Variants in CACNA2D4 observed in about 807,000 individuals in gnomAD.
CACNA2D4 encodes the protein voltage-dependent calcium channel subunit alpha-2/delta-4.
CACNA2D4 carries 157 observed loss-of-function variants against 163.8 expected under a neutral mutation model. The observed-to-expected ratio is 0.96, with a 90% CI of 0.84 to 1.09. CACNA2D4 has a LOEUF of 1.09. Among genes scored for constraint, CACNA2D4 ranks in the 50% least tolerant of loss-of-function variants. The pLI, the probability that CACNA2D4 is intolerant of heterozygous loss-of-function variation, is 0.00. For synonymous variants in CACNA2D4, 598 were observed against 586.9 expected, an observed-to-expected ratio of 1.02 and a Z score of -0.27; for missense variants, 1,410 against 1,479.9, an observed-to-expected ratio of 0.95 and a Z score of 0.78.
At chr12:1,897,437 T>C (rs140107632) in intron 6 of CACNA2D4, among the ~76,000 whole-genome samples, 1 of 152,320 alleles carries the variant, frequency 6.6e-6, no homozygotes, top group African/African-American at 2.4e-5. Context: ...CATCCCCAAA[T>C]ACTCTGACTT....
At position 1,834,557 on chromosome 12, in the gene CACNA2D4, G is replaced by A. The variant is rs750244847; in HGVS notation, c.2551+6182C>T. 18 of 1,602,672 alleles carry A rather than the reference G, an allele frequency of 1.1e-5. No homozygotes were observed. The highest frequency in any genetic ancestry group is 2.2e-5 in the East Asian group (1 of 44,884). ...GGGCACGGTGATCATTGCAGGGGTC[G>A]TGTGCGGCGTCGTCTGCATCATGAT... is the stretch of plus-strand genomic sequence containing the variant. On this transcript the variant is annotated intron_variant, in intron 26 of 37. Coordinates refer to ENST00000382722, the MANE Select transcript of CACNA2D4 (RefSeq NM_172364.5). The surrounding 1 kb of genome is among the most constrained non-coding windows in gnomAD (Gnocchi z 7.6).
chr12:1,800,716 G>T, intron 31 of CACNA2D4: 1 of 592,968 alleles, frequency 1.7e-6, no homozygotes, highest in Non-Finnish European at 3.0e-6. Context: ...CCCTCATCCT[G>T]GTGCTGCACT....
rs768339003 is a variant in CACNA2D4 at position 1,828,373 on chromosome 12, G to C, written c.2551+12366C>G. Among the ~76,000 whole-genome samples, 32 of 152,214 alleles carry C rather than the reference G, an allele frequency of 2.1e-4. No individual in the cohort carries two copies. The highest frequency in any genetic ancestry group is 4.0e-4 in the Non-Finnish European group (27 of 68,020). On this transcript the variant is annotated intron_variant, in intron 26 of 37. Transcript: ENST00000382722. The surrounding 1 kb of genome is among the most constrained non-coding windows in gnomAD (Gnocchi z 4.2). ...CCGAGGCTATGTTCTGGGAAGCCAG[G>C]GTCACGCCCACGGTGACAGCATCCC...
chr12:1,884,133 TC>T (rs1212740551), intron 12 of CACNA2D4, 109 bp downstream of exon 12: 46 of 860,100 alleles, frequency 5.3e-5, no homozygotes, highest in Non-Finnish European at 7.9e-5. Context: ...ATAGCACTGC[TC>T]CTCTTAGGGG....
At chr12:1,907,835 CGTGCCTGGTGAGT>C (rs752542652) in intron 5 of CACNA2D4, 27 bp downstream of exon 5, 95 of 1,608,810 alleles carry the variant, frequency 5.9e-5, no homozygotes, top group African/African-American at 3.2e-4. Context: ...GCTAGGTGGG[CGTGCCTGGTGAGT>C]GTGCCTGAGC....
chr12:1,811,629 C>T, intron 27 of CACNA2D4, 33 bp downstream of exon 27: 1 of 1,553,768 alleles, frequency 6.4e-7, no homozygotes, highest in Middle Eastern at 1.7e-4. Flanking sequence ...GTGGTGAGTC[C>T]CCAGCCCCGA....
chr12:1,797,727 A>G, intron 34 of CACNA2D4, 192 bp from the exon 35 acceptor site: 1 of 612,186 alleles, frequency 1.6e-6, no homozygotes, highest in South Asian at 1.8e-5. Context: ...GTCTCTGGAG[A>G]GGGTGGCTTG....
intron 1 of CACNA2D4, chr12:1,915,199 C>G: frequency 2.8e-6 from 2 of 702,690 alleles, no homozygotes; most frequent in Non-Finnish European, 5.2e-6. Flanking sequence ...GCACCTGTCC[C>G]TCCTCCTTGT....
intron 26 of CACNA2D4, among the ~76,000 whole-genome samples, chr12:1,840,433 A>C (rs983775438): frequency 3.8e-4 from 3 of 7,956 alleles, no homozygotes; most frequent in Non-Finnish European, 6.4e-4. Flanking sequence ...TAAATATATT[A>C]TGTGGAAGAG....
In CACNA2D4 at chr12:1,819,380, C is replaced by T. The variant is rs1021324602; in HGVS notation, c.2552-7657G>A. Among the ~76,000 whole-genome samples, 55 of 152,124 alleles carry T rather than the reference C, an allele frequency of 3.6e-4. 1 individual carries two copies. The highest frequency in any genetic ancestry group is 3.4e-3 in the Admixed American group (52 of 15,278). On this transcript the variant is annotated intron_variant, in intron 26 of 37. Coordinates refer to ENST00000382722, the MANE Select transcript of CACNA2D4 (RefSeq NM_172364.5). ...TGTGCTGCCCGGGGACCCGGCAGAA[C>T]GGACAGAAGGGAGTGAGCAGGAGCA...
At chr12:1,821,070 G>A (rs1864079868) in intron 26 of CACNA2D4, among the ~76,000 whole-genome samples, 1 of 152,236 alleles carries the variant, frequency 6.6e-6, no homozygotes, top group African/African-American at 2.4e-5. Flanking sequence ...AAGTGGGGAG[G>A]AGGGCAGCGC....
intron 26 of CACNA2D4, among the ~76,000 whole-genome samples, chr12:1,826,106 G>T (rs1182360589): frequency 1.3e-5 from 2 of 152,118 alleles, no homozygotes; most frequent in African/African-American, 4.8e-5. Context: ...GTGGGATCGG[G>T]AAAGAAAGCC....
rs1352338182 is a variant in CACNA2D4 at position 1,806,483 on chromosome 12, G to A, written c.2721+3795C>T. 2.6e-5 allele frequency among the ~76,000 whole-genome samples: 4 copies of A among 152,238 alleles called. No homozygotes were observed. The highest frequency in any genetic ancestry group is 4.4e-5 in the Non-Finnish European group (3 of 68,034). ...TTCCCCACTCACTGACTACGGGGAGGAGGGTGTGCAAGGACTTTGTCTGGG... is the reference window on the plus strand; with the variant it reads ...TTCCCCACTCACTGACTACGGGGAGAAGGGTGTGCAAGGACTTTGTCTGGG... On this transcript the variant is annotated intron_variant, in intron 29 of 37. Coordinates refer to ENST00000382722, the MANE Select transcript of CACNA2D4 (RefSeq NM_172364.5). This position sits in a 1 kb window ranked among gnomAD's most constrained non-coding sequence, Gnocchi z 4.1.
intron 4 of CACNA2D4, 87 bp from the exon 5 acceptor site, chr12:1,908,124 A>G: frequency 7.2e-7 from 1 of 1,387,662 alleles, no homozygotes; most frequent in South Asian, 1.3e-5. Flanking sequence ...AGGTGAGAGG[A>G]CGAGAGGGCC....
Position 1,903,443 on chromosome 12 carries a change from A to G in CACNA2D4, c.781+3997T>C, listed in dbSNP as rs1444824081. 2.0e-5 allele frequency among the ~76,000 whole-genome samples: 3 copies of G among 152,142 alleles called. 1 individual carries two copies. Among genetic ancestry groups the G allele is most frequent in the African/African-American group, 7.2e-5 (3 of 41,448 alleles). ...GTAAATAGACAATGCACAGAATGGGAGAAAATATTTGCAAACTCCTATCCA... is the reference window on the plus strand; with the variant it reads ...GTAAATAGACAATGCACAGAATGGGGGAAAATATTTGCAAACTCCTATCCA... On this transcript the variant is annotated intron_variant, in intron 6 of 37. Transcript: ENST00000382722.
rs1865872347 is a variant in CACNA2D4, at chr12:1,875,959, G to C, written c.1720-622C>G. Reference sequence around the variant, plus strand: ...AAGGCGTCAGGGGGCCCTGACTGCTGCCTGCGGTTCTGCTGTTTTCCTGGC... The same window carrying C: ...AAGGCGTCAGGGGGCCCTGACTGCTCCCTGCGGTTCTGCTGTTTTCCTGGC... On this transcript the variant is annotated intron_variant, in intron 16 of 37. Transcript: ENST00000382722. The surrounding 1 kb of genome is among the most constrained non-coding windows in gnomAD (Gnocchi z 4.0). Among the ~76,000 whole-genome samples the C allele has an allele frequency of 6.6e-6, 1 of 152,204 alleles. No homozygotes were observed. Among genetic ancestry groups the C allele is most frequent in the Non-Finnish European group, 1.5e-5 (1 of 68,046 alleles).
rs368763707 is a variant in CACNA2D4 at position 1,833,677 on chromosome 12, C to T, written c.2551+7062G>A. On this transcript the variant is annotated intron_variant, in intron 26 of 37. Coordinates refer to ENST00000382722, the MANE Select transcript of CACNA2D4 (RefSeq NM_172364.5). This position sits in a 1 kb window ranked among gnomAD's most constrained non-coding sequence, Gnocchi z 4.2. ...TCCTGCCCAACTCTTTTCCTCTTTA[C>T]GCCAGGAAGGGAGCTGCCCATTCTT... 1.4e-4 allele frequency among the ~76,000 whole-genome samples: 22 copies of T among 152,156 alleles called. No individual in the cohort carries two copies. Among genetic ancestry groups the T allele is most frequent in the African/African-American group, 4.8e-4 (20 of 41,436 alleles).
chr12:1,845,155 C>T (rs558601958), intron 24 of CACNA2D4, among the ~76,000 whole-genome samples: 45 of 152,160 alleles, frequency 3.0e-4, no homozygotes, highest in African/African-American at 1.0e-3. Context: ...TTGAGAGTGA[C>T]GGGCTCACAT....
In CACNA2D4 at chr12:1,797,435, C is replaced by G; in HGVS notation, c.3096G>C (p.Glu1032Asp). ...PAIREANGIV[E>D]CGPCQKVFVV... ...GGTCTTACTTCTGGCAGGGCCCGCA[C>G]TCCACGATCCCGTTGGCCTCCCGGA... The change falls in exon 35 of 38, where the codon GAG (glutamate) becomes GAC (aspartate). Residue 1032 changes from glutamate (E) to aspartate (D), a missense_variant. Transcript: ENST00000382722. 1 of 1,557,362 alleles carries G rather than the reference C, an allele frequency of 6.4e-7. No homozygotes were observed. Among genetic ancestry groups the G allele is most frequent in the Non-Finnish European group, 8.7e-7 (1 of 1,156,036 alleles).
Sources: allele counts gnomAD v4.1 joint callset (sites outside exome capture counted in the v4.1 genomes callset), GRCh38; gene constraint gnomAD v4.1.1; non-coding constraint Gnocchi (gnomAD v3.1); transcripts MANE v1.5; gene names NCBI Gene and HGNC (gene_info 2026-07-23, HGNC 2026-07-21).